The following NRG3 variants were observed in gnomAD, a reference collection of about 807,000 sequenced individuals.
NRG3 encodes the protein pro-neuregulin-3, membrane-bound isoform.
A neutral mutation model predicts 66.9 loss-of-function variants in NRG3; 31 were observed. The observed-to-expected ratio is 0.46, with a 90% CI of 0.35 to 0.63. The LOEUF is 0.63. NRG3 is among the 20% of genes least tolerant of loss of function. The pLI is 0.00. For synonymous variants in NRG3, 393 were observed against 359.4 expected (o/e 1.09, Z -1.06); for missense variants, 910 against 878.9 (o/e 1.04, Z -0.45).
rs71009805 is a variant in NRG3, at chr10:82,306,703, TAAAAAAAAAAAAA to T, written c.824-52015_824-52003del. Among the ~76,000 whole-genome samples, 5 of 35,904 alleles carry T rather than the reference TAAAAAAAAAAAAA, an allele frequency of 1.4e-4. No individual in the cohort carries two copies. In the Admixed American group the frequency reaches 2.0e-3, roughly 14 times the overall value. 23.6% of individuals were successfully genotyped at this position (35,904 alleles called of 152,430 possible). A position where few individuals can be genotyped will look rare whatever the true frequency, so the allele number is the denominator to read the frequency against. On this transcript the variant is annotated intron_variant, in intron 1 of 8. Coordinates refer to ENST00000372141, the MANE Select transcript of NRG3 (RefSeq NM_001010848.4). Reference sequence around the variant, plus strand: ...TGGGCGACAGAGTGAGACTCCGTCTTAAAAAAAAAAAAAAAAAAAAAAAAAAAAAAAAAGTCTG... The same window carrying T: ...TGGGCGACAGAGTGAGACTCCGTCTTAAAAAAAAAAAAAAAAAAAAGTCTG...
intron 1 of NRG3, among the ~76,000 whole-genome samples, chr10:82,110,769 C>A (rs2067337874): frequency 1.3e-5 from 2 of 152,024 alleles, no homozygotes; most frequent in Admixed American, 1.3e-4. Context: ...GTCTACTAGA[C>A]ATCCCAGTGG....
At chr10:82,808,675 T>C (rs2061380120) in intron 3 of NRG3, among the ~76,000 whole-genome samples, 1 of 152,208 alleles carries the variant, frequency 6.6e-6, no homozygotes, top group African/African-American at 2.4e-5. Flanking sequence ...ATTAATAGAA[T>C]TACCCATGCT....
intron 1 of NRG3, among the ~76,000 whole-genome samples, chr10:82,269,845 G>T (rs1373401429): frequency 1.3e-5 from 2 of 152,064 alleles, no homozygotes; most frequent in Non-Finnish European, 2.9e-5. Flanking sequence ...GCTGGTCCAA[G>T]GACCACACTT....
At chr10:82,501,524 CCCCTTCATTCCATGGT>C (rs901615378) in intron 2 of NRG3, among the ~76,000 whole-genome samples, 4 of 152,082 alleles carry the variant, frequency 2.6e-5, no homozygotes, top group Admixed American at 2.0e-4. Context: ...ACTCTCCTGG[CCCCTTCATTCCATGGT>C]CCCTTCGTTC....
intron 1 of NRG3, among the ~76,000 whole-genome samples, chr10:81,887,397 C>G (rs1842696671): frequency 1.3e-5 from 2 of 151,982 alleles, no homozygotes; most frequent in African/African-American, 4.8e-5. Flanking sequence ...AGGATATAGC[C>G]AACAGAAATC....
At chr10:82,735,762 G>T (rs1343675416) in intron 2 of NRG3, among the ~76,000 whole-genome samples, 1 of 152,092 alleles carries the variant, frequency 6.6e-6, no homozygotes, top group Non-Finnish European at 1.5e-5. Flanking sequence ...TCAGGGGGTG[G>T]GTGGCTAGGG....
chr10:82,399,734 T>C (rs2086954585), intron 2 of NRG3, among the ~76,000 whole-genome samples: 1 of 152,202 alleles, frequency 6.6e-6, no homozygotes, highest in African/African-American at 2.4e-5. Context: ...TTTCAACATA[T>C]TAATTTTGAG....
intron 1 of NRG3, among the ~76,000 whole-genome samples, chr10:82,347,090 A>T (rs1418742544): frequency 1.3e-5 from 2 of 148,410 alleles, no homozygotes; most frequent in Non-Finnish European, 3.0e-5. Context: ...GATTTTAGTT[A>T]TTTCTTGCCT....
At chr10:82,495,331 G>A (rs1334059508) in intron 2 of NRG3, among the ~76,000 whole-genome samples, 2 of 152,062 alleles carry the variant, frequency 1.3e-5, no homozygotes, top group Non-Finnish European at 2.9e-5. Context: ...ATTATAATAA[G>A]TTATGCACTC....
intron 6 of NRG3, among the ~76,000 whole-genome samples, chr10:82,969,584 G>A (rs1427789348): frequency 2.6e-5 from 4 of 152,130 alleles, no homozygotes. Context: ...TGAAAAATTC[G>A]GATTCTGGTT....
rs575513982 is a variant in NRG3 at position 82,949,702 on chromosome 10, A to G, written c.1055-1767A>G. ...AAACCTCATCTCTACTAAAAGTACA[A>G]AAAGTAGCTAAGCATGGTGGCAGGT... On this transcript the variant is annotated intron_variant, in intron 4 of 8. Coordinates refer to ENST00000372141, the MANE Select transcript of NRG3 (RefSeq NM_001010848.4). Among the ~76,000 whole-genome samples the G allele has an allele frequency of 1.4e-3, 213 of 152,140 alleles. 1 individual carries two copies. The highest frequency in any genetic ancestry group is 2.0e-3 in the Non-Finnish European group (139 of 67,998).
intron 2 of NRG3, among the ~76,000 whole-genome samples, chr10:82,434,374 C>T (rs1289053257): frequency 1.3e-5 from 2 of 151,962 alleles, no homozygotes. Context: ...TTCCTAAATA[C>T]AAAATCATGT....
At chr10:82,831,381 T>A (rs2062512974) in intron 3 of NRG3, among the ~76,000 whole-genome samples, 2 of 152,220 alleles carry the variant, frequency 1.3e-5, no homozygotes, top group African/African-American at 2.4e-5. Flanking sequence ...TAAACTGATG[T>A]GAACTGACTA....
At chr10:82,259,190 A>G (rs920963480) in intron 1 of NRG3, among the ~76,000 whole-genome samples, 2 of 152,178 alleles carry the variant, frequency 1.3e-5, no homozygotes, top group African/African-American at 4.8e-5. Context: ...TGAATGTTCA[A>G]TTTTACAGAA....
intron 2 of NRG3, among the ~76,000 whole-genome samples, chr10:82,474,768 C>T (rs1841608503): frequency 6.6e-6 from 1 of 151,924 alleles, no homozygotes; most frequent in Non-Finnish European, 1.5e-5. Context: ...ATACAAGAAG[C>T]TCAGTGAACT....
At chr10:82,084,622 A>G (rs890515212) in intron 1 of NRG3, among the ~76,000 whole-genome samples, 1 of 152,068 alleles carries the variant, frequency 6.6e-6, no homozygotes, top group East Asian at 1.9e-4. Flanking sequence ...AAGTAGAAGC[A>G]TGTATTCTTG....
chr10:82,132,982 T>C (rs1371498690), intron 1 of NRG3, among the ~76,000 whole-genome samples: 1 of 152,004 alleles, frequency 6.6e-6, no homozygotes, highest in Admixed American at 6.6e-5. Flanking sequence ...AGCTAAAGTT[T>C]TGTTGATTTT....
chr10:82,162,905 C>T lies in NRG3; in HGVS notation c.824-195834C>T, dbSNP rs529383755. On this transcript the variant is annotated intron_variant, in intron 1 of 8. Coordinates refer to ENST00000372141, the MANE Select transcript of NRG3 (RefSeq NM_001010848.4). ...GTGTTAACTAAACCATGTGAATCTCCTCCTCTAATTAACAGCTACTTTATT... is the reference window on the plus strand; with the variant it reads ...GTGTTAACTAAACCATGTGAATCTCTTCCTCTAATTAACAGCTACTTTATT... 2.6e-5 allele frequency among the ~76,000 whole-genome samples: 4 copies of T among 152,240 alleles called. No individual in the cohort carries two copies. In the South Asian group the frequency reaches 6.2e-4, roughly 24 times the overall value.
chr10:82,805,480 C>T (rs1008822151), intron 3 of NRG3, among the ~76,000 whole-genome samples: 6 of 151,900 alleles, frequency 3.9e-5, no homozygotes, highest in African/African-American at 1.4e-4. Context: ...TTTTTAGTAC[C>T]CTTCCCCTTT....
Sources: allele counts gnomAD v4.1 joint callset (sites outside exome capture counted in the v4.1 genomes callset), GRCh38; gene constraint gnomAD v4.1.1; transcripts MANE v1.5; gene names NCBI Gene and HGNC (gene_info 2026-07-23, HGNC 2026-07-21).